The following DLC1 variants were observed in gnomAD, a reference collection of about 807,000 sequenced individuals.
The protein encoded by DLC1 is DLC1 Rho GTPase activating protein.
DLC1 carries 54 observed loss-of-function variants against 140.3 expected under a neutral mutation model. That is an observed-to-expected ratio of 0.38 (90% CI 0.31 to 0.48). The LOEUF (loss-of-function observed/expected upper bound fraction) is 0.48, where lower values mean the gene tolerates loss of function less well. Among genes scored for constraint, DLC1 ranks in the 20% least tolerant of loss-of-function variants. The pLI, the probability that DLC1 is intolerant of heterozygous loss-of-function variation, is 0.96. For synonymous variants in DLC1, 986 were observed against 728.1 expected, an observed-to-expected ratio of 1.35 and a Z score of -5.70; for missense variants, 2,536 against 1,907.0, an observed-to-expected ratio of 1.33 and a Z score of -6.14.
intron 2 of DLC1, among the ~76,000 whole-genome samples, chr8:13,454,817 G>T (rs1799314372): frequency 6.6e-6 from 1 of 152,190 alleles, no homozygotes. Flanking sequence ...GCCTCTCAAA[G>T]CACTGGGATT....
intron 5 of DLC1, among the ~76,000 whole-genome samples, chr8:13,178,929 C>A (rs1277127293): frequency 1.3e-5 from 2 of 152,058 alleles, no homozygotes; most frequent in African/African-American, 4.8e-5. Context: ...ACCAATTTAC[C>A]AAATAGAAAT....
chr8:13,497,049 C>G (rs371934350), intron 2 of DLC1, among the ~76,000 whole-genome samples: 1 of 152,128 alleles, frequency 6.6e-6, no homozygotes, highest in East Asian at 1.9e-4. Context: ...ATACGCCTGC[C>G]TCGGCCTCCC....
chr8:13,226,134 G>C (rs1043569323), intron 5 of DLC1, among the ~76,000 whole-genome samples: 1 of 152,028 alleles, frequency 6.6e-6, no homozygotes, highest in Admixed American at 6.6e-5. Flanking sequence ...GGCTAGTCTT[G>C]AACTTCTGAG....
chr8:13,424,512 T>C (rs1039369784), intron 2 of DLC1, among the ~76,000 whole-genome samples: 1 of 151,912 alleles, frequency 6.6e-6, no homozygotes, highest in Admixed American at 6.6e-5. Flanking sequence ...AACAATAAAA[T>C]AAAAGTCAGA....
intron 4 of DLC1, among the ~76,000 whole-genome samples, chr8:13,358,143 C>A (rs1617254): frequency 2.6e-5 from 4 of 151,966 alleles, no homozygotes; most frequent in African/African-American, 4.8e-5. Flanking sequence ...TCCTATTCAC[C>A]GTAAGTTTTT....
At chr8:13,235,872 T>C (rs1057463504) in intron 5 of DLC1, among the ~76,000 whole-genome samples, 2 of 152,008 alleles carry the variant, frequency 1.3e-5, no homozygotes, top group African/African-American at 4.8e-5. Flanking sequence ...GAAAAGACTA[T>C]AAATAGCTGA....
chr8:13,559,507 A>G (rs1200456260), intron 1 of DLC1: 1 of 152,230 alleles, frequency 6.6e-6, no homozygotes, highest in Non-Finnish European at 1.5e-5. Context: ...ACATAGTTTT[A>G]CTGAAAGATT....
intron 4 of DLC1, among the ~76,000 whole-genome samples, chr8:13,323,284 A>G (rs780234530): frequency 2.0e-5 from 3 of 152,238 alleles, no homozygotes; most frequent in Middle Eastern, 3.2e-3. Context: ...TATATTTTAT[A>G]TACATCTGTA....
chr8:13,364,727 A>G (rs1484352095), intron 4 of DLC1, among the ~76,000 whole-genome samples: 1 of 152,198 alleles, frequency 6.6e-6, no homozygotes, highest in African/African-American at 2.4e-5. Flanking sequence ...AAATTATCAC[A>G]TGCTATAGAC....
chr8:13,513,076 G>A (rs577482134), intron 1 of DLC1, among the ~76,000 whole-genome samples: 8 of 151,584 alleles, frequency 5.3e-5, no homozygotes, highest in East Asian at 3.9e-4. Context: ...TGGGAGGGCA[G>A]GATGATGGGA....
At chr8:13,380,593 C>T (rs891818540) in intron 4 of DLC1, among the ~76,000 whole-genome samples, 1 of 152,182 alleles carries the variant, frequency 6.6e-6, no homozygotes, top group African/African-American at 2.4e-5. Flanking sequence ...AAAAATACCA[C>T]TATAACCTTG....
intron 3 of DLC1, among the ~76,000 whole-genome samples, chr8:13,395,749 A>ATG (rs34003571): frequency 0.25 from 36,028 of 146,938 alleles, 4,843 homozygotes; most frequent in Admixed American, 0.32. Context: ...ATGTATGTGC[A>ATG]TGTGTGTGTG....
At chr8:13,241,375 G>T (rs1829537689) in intron 5 of DLC1, among the ~76,000 whole-genome samples, 1 of 152,144 alleles carries the variant, frequency 6.6e-6, no homozygotes, top group South Asian at 2.1e-4. Flanking sequence ...ATGTATAGAA[G>T]TTTTCCCATG....
chr8:13,151,449 T>G (rs1172934629), intron 5 of DLC1, among the ~76,000 whole-genome samples: 2 of 152,196 alleles, frequency 1.3e-5, no homozygotes, highest in Non-Finnish European at 2.9e-5. Flanking sequence ...ACAGTAGAAC[T>G]GAGACTCCAA....
chr8:13,594,162 A>G (rs143356837), intron 1 of DLC1, among the ~76,000 whole-genome samples: 1 of 152,244 alleles, frequency 6.6e-6, no homozygotes, highest in African/African-American at 2.4e-5. Flanking sequence ...CCTGGTCTCA[A>G]AAGAAGGAAA....
intron 5 of DLC1, among the ~76,000 whole-genome samples, chr8:13,239,290 C>A (rs549413735): frequency 6.6e-6 from 1 of 151,902 alleles, no homozygotes; most frequent in Non-Finnish European, 1.5e-5. Context: ...CAGGGAAGAG[C>A]GGGGCAAATA....
chr8:13,479,934 C>T (rs535674605), intron 2 of DLC1, among the ~76,000 whole-genome samples: 2 of 84,454 alleles, frequency 2.4e-5, no homozygotes, highest in South Asian at 4.0e-4. Context: ...TGTGTGGTGG[C>T]GTGTGTCTGT....
chr8:13,232,927 C>T (rs184705254), intron 5 of DLC1, among the ~76,000 whole-genome samples: 147 of 152,258 alleles, frequency 9.7e-4, no homozygotes, highest in African/African-American at 3.3e-3. Context: ...TTTGCTTTCC[C>T]TGACTAATCA....
chr8:13,506,258 A>G (rs927298700), intron 1 of DLC1, among the ~76,000 whole-genome samples: 1 of 152,084 alleles, frequency 6.6e-6, no homozygotes, highest in African/African-American at 2.4e-5. Flanking sequence ...CACGCTATTG[A>G]CTTCTGGGTT....
Sources: allele counts gnomAD v4.1 joint callset (sites outside exome capture counted in the v4.1 genomes callset), GRCh38; gene constraint gnomAD v4.1.1; transcripts MANE v1.5; gene names NCBI Gene and HGNC (gene_info 2026-07-23, HGNC 2026-07-21).